The following USP31 variants were observed in gnomAD, a reference collection of about 807,000 sequenced individuals.
USP31 encodes the protein ubiquitin specific peptidase 31, also known as ubiquitin carboxyl-terminal hydrolase 31.
A neutral mutation model predicts 119.4 loss-of-function variants in USP31; 44 were observed. That is an observed-to-expected ratio of 0.37 (90% confidence interval 0.29 to 0.47). The LOEUF (loss-of-function observed/expected upper bound fraction) is 0.47. Among genes scored for constraint, USP31 ranks in the 20% least tolerant of loss-of-function variants. The pLI is 0.99. For missense variants in USP31, 1,643 were observed against 1,730.2 expected (o/e 0.95, Z 0.89); for synonymous variants, 749 against 705.6 (o/e 1.06, Z -0.97).
rs1567252647 is a variant in USP31 at position 23,149,085 on chromosome 16, G to A, written c.186C>T (p.Gly62=). ...TCTTGAGAACGCGGCTCATGAAGCTGCCCACCGAGCGTGCAGAGGAGGGCG... is the reference window on the plus strand; with the variant it reads ...TCTTGAGAACGCGGCTCATGAAGCTACCCACCGAGCGTGCAGAGGAGGGCG... ...PSSPSSARSV[G]SFMSRVLKTL... The change falls in exon 1 of 16, where the codon GGC becomes GGT. Residue 62 remains glycine, a synonymous_variant. Transcript: ENST00000219689. 2 of 1,277,930 alleles carry A rather than the reference G, an allele frequency of 1.6e-6. No homozygotes were observed. The highest frequency in any genetic ancestry group is 1.6e-5 in the African/African-American group (1 of 63,928). The allele number at this position is 1,277,930 out of a possible 1,614,324, so 79.2% of individuals were successfully genotyped here.
At chr16:23,129,314 T>C (rs1902957215) in intron 1 of USP31, among the ~76,000 whole-genome samples, 1 of 152,150 alleles carries the variant, frequency 6.6e-6, no homozygotes, top group African/African-American at 2.4e-5. Context: ...ACATAAAGTG[T>C]AGGAAATATA....
chr16:23,065,985 T>C lies in USP31; in HGVS notation c.*2061A>G, dbSNP rs1900051019. On this transcript the variant is annotated 3_prime_UTR_variant, in exon 16 of 16. Coordinates refer to ENST00000219689, the MANE Select transcript of USP31 (RefSeq NM_020718.4). Reference sequence around the variant, plus strand: ...TATTTGGTGCATCTTTTTCAGGAGATAAAAGCGATACAGAAAAACGAGAGC... The same window carrying C: ...TATTTGGTGCATCTTTTTCAGGAGACAAAAGCGATACAGAAAAACGAGAGC... 6.6e-6 allele frequency: 1 copy of C among 152,182 alleles called. No individual in the cohort carries two copies. The highest frequency in any genetic ancestry group is 2.1e-4 in the South Asian group (1 of 4,826). 9.4% of individuals were successfully genotyped at this position (152,182 alleles called of 1,614,324 possible).
chr16:23,131,948 C>T (rs1340071095), intron 1 of USP31, among the ~76,000 whole-genome samples: 1 of 152,174 alleles, frequency 6.6e-6, no homozygotes, highest in Non-Finnish European at 1.5e-5. Context: ...AAGGCATTTC[C>T]TGACCAGTCC....
At chr16:23,118,262 G>GA (rs1210220350) in intron 1 of USP31, among the ~76,000 whole-genome samples, 1 of 151,972 alleles carries the variant, frequency 6.6e-6, no homozygotes, top group African/African-American at 2.4e-5. Flanking sequence ...TGTTAGTTTT[G>GA]AAAAATAGAA....
Position 23,073,872 on chromosome 16 carries a change from T to C in USP31, c.2185A>G (p.Lys729Glu). The C allele has an allele frequency of 1.2e-6, 2 of 1,613,964 alleles. No homozygotes were observed. The highest frequency in any genetic ancestry group is 1.7e-6 in the Non-Finnish European group (2 of 1,180,012). Residue 729 changes from lysine (K) to glutamate (E), a missense_variant, in exon 14 of 16, where the codon AAG (lysine) becomes GAG (glutamate). Physicochemically the swap from Lys to Glu is moderately conservative, Grantham distance 56 (BLOSUM62 1). Coordinates refer to ENST00000219689, the MANE Select transcript of USP31 (RefSeq NM_020718.4). ...MQGGHYTAYC[K>E]NSVDGLWYCF... Reference sequence around the variant, plus strand: ...TACCAGAGGCCGTCCACAGAGTTCTTACAGTACGCTGCCAAAGAGAGCCCG... The same window carrying C: ...TACCAGAGGCCGTCCACAGAGTTCTCACAGTACGCTGCCAAAGAGAGCCCG...
chr16:23,141,495 A>G (rs1188414382), intron 1 of USP31, among the ~76,000 whole-genome samples: 2 of 151,434 alleles, frequency 1.3e-5, no homozygotes, highest in African/African-American at 4.9e-5. Flanking sequence ...TTCCCACCTC[A>G]GCCTCCGAAG....
At chr16:23,077,966 G>A (rs1248469188) in intron 13 of USP31, among the ~76,000 whole-genome samples, 1 of 152,154 alleles carries the variant, frequency 6.6e-6, no homozygotes, top group Non-Finnish European at 1.5e-5. Context: ...TCAGCAATGG[G>A]GAAGGGTTAG....
chr16:23,120,807 C>T (rs35557836), intron 1 of USP31, among the ~76,000 whole-genome samples: 25,293 of 152,156 alleles, frequency 0.17, 2,608 homozygotes, highest in Admixed American at 0.26. Flanking sequence ...GTAAAGTGAC[C>T]TATACATCCC....
intron 9 of USP31, 137 bp downstream of exon 9, chr16:23,086,953 AGT>A: frequency 1.6e-6 from 1 of 617,972 alleles, no homozygotes. Context: ...ACAAATCAAA[AGT>A]AAAATAAGTA....
Position 23,068,704 on chromosome 16 carries a change from G to C in USP31, c.3401C>G (p.Ser1134Trp). ...GAAAGGGCTCCTTGTGGCAGGGCCC[G>C]AGGCCTTTTTGGCAGATGTGGAGGA... The part of the protein sequence containing the change: ...TASSTSAKKA[S>W]GPATRSPFPP... The change falls in exon 16 of 16, where the codon TCG (serine) becomes TGG (tryptophan). Residue 1134 changes from serine (S) to tryptophan (W), a missense_variant. This residue lies in a region of USP31 where 699 missense variants were observed against 650.9 expected (regional missense o/e 1.07). Coordinates refer to ENST00000219689, the MANE Select transcript of USP31 (RefSeq NM_020718.4). 1 of 1,613,532 alleles carries C rather than the reference G, an allele frequency of 6.2e-7. No individual in the cohort carries two copies. Among genetic ancestry groups the C allele is most frequent in the Non-Finnish European group, 8.5e-7 (1 of 1,179,768 alleles).
chr16:23,082,513 C>T lies in USP31; in HGVS notation c.1875G>A (p.Leu625=), dbSNP rs1195055044. 2 of 1,614,198 alleles carry T rather than the reference C, an allele frequency of 1.2e-6. No individual in the cohort carries two copies. ...GGCTTAACGTAATGCTTCCCTGCTG[C>T]AGCTGCTTACAGTGTGGGCAACGCC... is the stretch of plus-strand genomic sequence containing the variant. ...DAWRCPHCKQ[L]QQGSITLSLW... is the part of the protein sequence containing the mutation. The change falls in exon 12 of 16, where the codon CTG becomes CTA. Residue 625 remains leucine (L), a synonymous_variant. Coordinates refer to ENST00000219689, the MANE Select transcript of USP31 (RefSeq NM_020718.4).
intron 1 of USP31, among the ~76,000 whole-genome samples, chr16:23,113,028 CAAA>C (rs576031019): frequency 7.5e-6 from 1 of 134,188 alleles, no homozygotes; most frequent in Non-Finnish European, 1.6e-5. Flanking sequence ...AACTCCGTCC[CAAA>C]AAAAAAAAAG....
At chr16:23,078,277 A>G (rs1189253935) in intron 13 of USP31, among the ~76,000 whole-genome samples, 1 of 145,370 alleles carries the variant, frequency 6.9e-6, no homozygotes, top group Non-Finnish European at 1.5e-5. Flanking sequence ...ACGCCACCAC[A>G]CTCCAGCCTG....
intron 1 of USP31, among the ~76,000 whole-genome samples, chr16:23,147,334 C>T (rs1292035899): frequency 6.6e-6 from 1 of 152,140 alleles, no homozygotes; most frequent in Non-Finnish European, 1.5e-5. Flanking sequence ...TCTCGAACCC[C>T]CGGACCTCAG....
rs1489176156 is a variant in USP31 at position 23,069,457 on chromosome 16, A to G, written c.2648T>C (p.Phe883Ser). ...GCTGTGAATTGGCGAATCCCCTGAA[A>G]ATCGGGATGGAGAATTGGAGCGCAT... ...LQMRSNSPSR[F>S]SGDSPIHSSA... The change falls in exon 16 of 16, where the codon TTT (phenylalanine) becomes TCT (serine). Residue 883 changes from phenylalanine (F) to serine (S), a missense_variant. This residue lies in a region of USP31 where 699 missense variants were observed against 650.9 expected (regional missense o/e 1.07). Coordinates refer to ENST00000219689, the MANE Select transcript of USP31 (RefSeq NM_020718.4). 2 of 1,614,052 alleles carry G rather than the reference A, an allele frequency of 1.2e-6. No homozygotes were observed. The highest frequency in any genetic ancestry group is 1.7e-6 in the Non-Finnish European group (2 of 1,180,022).
chr16:23,102,386 T>G lies in USP31; in HGVS notation c.1167A>C (p.Glu389Asp), dbSNP rs1901916284. The G allele has an allele frequency of 6.2e-7, 1 of 1,614,012 alleles. No homozygotes were observed. Among genetic ancestry groups the G allele is most frequent in the Non-Finnish European group, 8.5e-7 (1 of 1,179,922 alleles). Residue 389 changes from glutamate (E) to aspartate (D), a missense_variant, in exon 6 of 16, where the codon GAA (glutamate) becomes GAC (aspartate). By Grantham distance (45) the Glu-to-Asp change is conservative. This residue lies in a region of USP31 where 219 missense variants were observed against 226.4 expected (regional missense o/e 0.97). Transcript: ENST00000219689. ...CDTDDLETVHESDCIFAFETP... is the reference protein window; with the variant it reads ...CDTDDLETVHDSDCIFAFETP... ...TCTCAAAGGCAAAAATGCAGTCGCTTTCATGGACTGTTTCCAGGTCGTCTG... is the reference window on the plus strand; with the variant it reads ...TCTCAAAGGCAAAAATGCAGTCGCTGTCATGGACTGTTTCCAGGTCGTCTG...
At chr16:23,139,640 C>G (rs1903296708) in intron 1 of USP31, among the ~76,000 whole-genome samples, 2 of 152,126 alleles carry the variant, frequency 1.3e-5, no homozygotes, top group Non-Finnish European at 2.9e-5. Context: ...TCTAAATATG[C>G]TCCTGGCTTC....
At position 23,106,463 on chromosome 16, in the gene USP31, G is replaced by A; in HGVS notation, c.796C>T (p.Pro266Ser). ...CAGACAGGGAAAGATGGTCCCTCAGGCATCATATCAGTCTCTGATGGTGGC... is the reference window on the plus strand; with the variant it reads ...CAGACAGGGAAAGATGGTCCCTCAGACATCATATCAGTCTCTGATGGTGGC... ...LKPPSETDMM[P>S]EGPSFPVCST... The change falls in exon 3 of 16, where the codon CCT (proline) becomes TCT (serine). Residue 266 changes from proline (P) to serine (S), a missense_variant. Physicochemically the swap from Pro to Ser is moderately conservative, Grantham distance 74 (BLOSUM62 -1). Transcript: ENST00000219689. The A allele has an allele frequency of 6.2e-7, 1 of 1,613,354 alleles. No homozygotes were observed. The highest frequency in any genetic ancestry group is 8.5e-7 in the Non-Finnish European group (1 of 1,179,746).
At position 23,062,723 on chromosome 16, in the gene USP31, T is replaced by C. The variant is rs896218888; in HGVS notation, c.*5323A>G. 3 of 152,576 alleles carry C rather than the reference T, an allele frequency of 2.0e-5. No homozygotes were observed. Among genetic ancestry groups the C allele is most frequent in the African/African-American group, 4.8e-5 (2 of 41,440 alleles). The allele number at this position is 152,576 out of a possible 1,614,324, so 9.5% of individuals were successfully genotyped here. On this transcript the variant is annotated 3_prime_UTR_variant, in exon 16 of 16. Coordinates refer to ENST00000219689, the MANE Select transcript of USP31 (RefSeq NM_020718.4). ...CTGCTCCAGCAACTAAGACCACCAATTTCCACCAGACTGGCGAGTGCTAGG... is the reference window on the plus strand; with the variant it reads ...CTGCTCCAGCAACTAAGACCACCAACTTCCACCAGACTGGCGAGTGCTAGG...
Sources: allele counts gnomAD v4.1 joint callset (sites outside exome capture counted in the v4.1 genomes callset), GRCh38; gene constraint gnomAD v4.1.1; regional missense constraint gnomAD v4.1.1; transcripts MANE v1.5; gene names NCBI Gene and HGNC (gene_info 2026-07-23, HGNC 2026-07-21).